Variants in HAGH observed in about 807,000 individuals in gnomAD.
The protein encoded by HAGH is hydroxyacylglutathione hydrolase.
HAGH carries 29 observed loss-of-function variants against 35.1 expected under a neutral mutation model. That is an observed-to-expected ratio of 0.83 (90% CI 0.62 to 1.13). The LOEUF is 1.13. Among genes scored for constraint, HAGH ranks in the 50% most tolerant of loss-of-function variants. The pLI is 0.00. For synonymous variants in HAGH, 225 were observed against 176.1 expected (o/e 1.28, Z -2.20); for missense variants, 478 against 419.6 (o/e 1.14, Z -1.22).
At chr16:1,811,201 C>G (rs1319366885) in intron 7 of HAGH, among the ~76,000 whole-genome samples, 2 of 151,964 alleles carry the variant, frequency 1.3e-5, no homozygotes, top group African/African-American at 4.8e-5. Context: ...ATTGCCTGAA[C>G]TCAGGAGTTC....
At chr16:1,823,919 G>A (rs145697684) in intron 1 of HAGH, among the ~76,000 whole-genome samples, 227 of 152,126 alleles carry the variant, frequency 1.5e-3, no homozygotes, top group African/African-American at 5.2e-3. Flanking sequence ...ATTGTGAGGC[G>A]AACCACTGCC....
In HAGH at chr16:1,823,007, G is replaced by C; in HGVS notation, c.107C>G (p.Thr36Arg). 1.2e-6 allele frequency: 2 copies of C among 1,613,952 alleles called. No homozygotes were observed. The highest frequency in any genetic ancestry group is 1.3e-5 in the African/African-American group (1 of 75,076). The change falls in exon 2 of 9, where the codon ACA becomes AGA. Residue 36 changes from threonine (T) to arginine (R), a missense_variant. By Grantham distance (71) the Thr-to-Arg change is moderately conservative. Transcript: ENST00000397356. ...GPALLGVFCH[T>R]DLRKNLTVDE... ...CACGGTCAGGTTCTTCCGCAAATCTGTGTGGCAGAAAACTCCCAGCAGGGC... is the reference window on the plus strand; with the variant it reads ...CACGGTCAGGTTCTTCCGCAAATCTCTGTGGCAGAAAACTCCCAGCAGGGC...
chr16:1,818,959 G>A (rs552309573), intron 5 of HAGH, 156 bp downstream of exon 5: 11 of 602,800 alleles, frequency 1.8e-5, no homozygotes, highest in Non-Finnish European at 2.4e-5. Flanking sequence ...GGGAGGAATC[G>A]GCCAGCCCCA....
chr16:1,817,065 G>T, intron 6 of HAGH, 71 bp from the exon 7 acceptor site: 1 of 1,347,932 alleles, frequency 7.4e-7, no homozygotes, highest in East Asian at 2.3e-5. Flanking sequence ...GACGGGACCT[G>T]GATGCCCCCG....
chr16:1,822,575 C>T (rs979517974), intron 2 of HAGH, among the ~76,000 whole-genome samples: 4 of 152,146 alleles, frequency 2.6e-5, no homozygotes, highest in South Asian at 2.1e-4. Context: ...CAACCACCTA[C>T]GACCGCTCCA....
rs752782577 is a variant in HAGH at position 1,822,366 on chromosome 16, T to C, written c.250-2A>G. 6.2e-7 allele frequency: 1 copy of C among 1,607,568 alleles called. No individual in the cohort carries two copies. Among genetic ancestry groups the C allele is most frequent in the Admixed American group, 1.7e-5 (1 of 60,020 alleles). ...GTGCTTTCTCGCCGCGTCCACGACC[T>C]GCAGTGGCCCCGGGGAAGGACAAAG... is the stretch of plus-strand genomic sequence containing the variant. On this transcript the variant is annotated splice_acceptor_variant, in intron 2 of 8. Transcript: ENST00000397356. LOFTEE classifies it high-confidence loss of function.
At chr16:1,818,245 T>G (rs1897994127) in intron 5 of HAGH, among the ~76,000 whole-genome samples, 1 of 152,076 alleles carries the variant, frequency 6.6e-6, no homozygotes, top group South Asian at 2.1e-4. Context: ...AGAAGAATCC[T>G]AAATCTGAGG....
rs1237857978 is a variant in HAGH at position 1,820,006 on chromosome 16, G to A, written c.323C>T (p.Ala108Val). Residue 108 changes from alanine to valine, a missense_variant, in exon 4 of 9, where the codon GCT becomes GTT. Coordinates refer to ENST00000397356, the MANE Select transcript of HAGH (RefSeq NM_005326.6). ...VLTTHHHWDH[A>V]GGNEKLVKLE... is the part of the protein sequence containing the mutation. ...CTTGACCAGTTTCTCATTCCCGCCA[G>A]CATGGTCCCTAGAAGTCAAACAGGA... 1.2e-6 allele frequency: 2 copies of A among 1,609,784 alleles called. No individual in the cohort carries two copies. The highest frequency in any genetic ancestry group is 2.2e-5 in the East Asian group (1 of 44,852).
intron 7 of HAGH, among the ~76,000 whole-genome samples, chr16:1,815,919 T>A (rs1418114892): frequency 6.8e-6 from 1 of 147,134 alleles, no homozygotes. Flanking sequence ...CTCAAGAGGC[T>A]GAGGCAGGGA....
chr16:1,811,255 A>C (rs1330316308), intron 7 of HAGH, among the ~76,000 whole-genome samples: 4 of 152,138 alleles, frequency 2.6e-5, no homozygotes, highest in Non-Finnish European at 4.4e-5. Flanking sequence ...CTCTACTAAA[A>C]TAGAAAAAAT....
intron 7 of HAGH, among the ~76,000 whole-genome samples, chr16:1,814,925 GTA>G (rs200327289): frequency 0.33 from 32,311 of 96,998 alleles, 3,577 homozygotes; most frequent in African/African-American, 0.39. Flanking sequence ...ATATATATAT[GTA>G]TATACACACA....
At chr16:1,815,569 C>T (rs1338871191) in intron 7 of HAGH, among the ~76,000 whole-genome samples, 1 of 152,136 alleles carries the variant, frequency 6.6e-6, no homozygotes, top group African/African-American at 2.4e-5. Context: ...TAGAAAGTGA[C>T]CTGAGGTCAC....
intron 1 of HAGH, among the ~76,000 whole-genome samples, chr16:1,825,947 C>G (rs566075892): frequency 6.6e-6 from 1 of 152,336 alleles, no homozygotes; most frequent in African/African-American, 2.4e-5. Context: ...CTGGGGCCTC[C>G]CTTAGAATGG....
chr16:1,815,150 C>T (rs1396957567), intron 7 of HAGH, among the ~76,000 whole-genome samples: 3 of 151,820 alleles, frequency 2.0e-5, no homozygotes, highest in African/African-American at 7.3e-5. Context: ...GGCAGTGAGA[C>T]GCCACCACAG....
chr16:1,822,628 C>T (rs1898202207), intron 2 of HAGH, among the ~76,000 whole-genome samples: 3 of 152,210 alleles, frequency 2.0e-5, no homozygotes, highest in East Asian at 3.9e-4. Flanking sequence ...AGGCAGCATG[C>T]AGGGGCAGAA....
chr16:1,818,890 C>A, intron 5 of HAGH: 1 of 562,050 alleles, frequency 1.8e-6, no homozygotes, highest in East Asian at 3.0e-5. Flanking sequence ...GCAGTCTCCG[C>A]CAGCACAGCC....
chr16:1,819,252 TC>T, intron 4 of HAGH, 29 bp from the exon 5 acceptor site: 1 of 1,428,018 alleles, frequency 7.0e-7, no homozygotes, highest in Admixed American at 1.8e-5. Flanking sequence ...CCGCGTGTGC[TC>T]CCAGACACCC....
chr16:1,816,800 A>G (rs1054624279), intron 7 of HAGH, 93 bp downstream of exon 7: 37 of 771,956 alleles, frequency 4.8e-5, no homozygotes, highest in South Asian at 2.4e-4. Context: ...CTGGGCTCAG[A>G]GTGTGAGTGT....
intron 7 of HAGH, among the ~76,000 whole-genome samples, chr16:1,811,324 G>A (rs756265750): frequency 6.6e-6 from 1 of 152,184 alleles, no homozygotes; most frequent in Non-Finnish European, 1.5e-5. Flanking sequence ...TGAGGCAGGA[G>A]AATCACTTGA....
Sources: allele counts gnomAD v4.1 joint callset (sites outside exome capture counted in the v4.1 genomes callset), GRCh38; gene constraint gnomAD v4.1.1; transcripts MANE v1.5; gene names NCBI Gene and HGNC (gene_info 2026-07-23, HGNC 2026-07-21).